Variants in ZC3H4 observed in about 807,000 individuals in gnomAD.
The protein encoded by ZC3H4 is zinc finger CCCH domain-containing protein 4.
ZC3H4 carries 13 observed loss-of-function variants against 108.3 expected under a neutral mutation model. That is an observed-to-expected ratio of 0.12 (90% CI 0.08 to 0.19). ZC3H4 has a LOEUF of 0.19. ZC3H4 is among the 10% of genes least tolerant of loss of function. The pLI, the probability that ZC3H4 is intolerant of heterozygous loss-of-function variation, is 1.00. For synonymous variants in ZC3H4, 917 were observed against 749.6 expected (o/e 1.22, Z -3.65); for missense variants, 1,734 against 1,838.8 (o/e 0.94, Z 1.04).
At chr19:47,083,321 A>AG in intron 9 of ZC3H4, among the ~76,000 whole-genome samples, 1 of 150,130 alleles carries the variant, frequency 6.7e-6, no homozygotes, top group African/African-American at 2.4e-5. Context: ...AAAAAAAAAA[A>AG]AAGAGAGAGA....
At chr19:47,069,386 C>G in intron 13 of ZC3H4, 43 bp from the exon 14 acceptor site, 1 of 1,590,546 alleles carries the variant, frequency 6.3e-7, no homozygotes, top group Non-Finnish European at 8.5e-7. Flanking sequence ...GGAAGGGCCT[C>G]CAGGTGCCAA....
At chr19:47,108,323 A>AG (rs2057993096) in intron 2 of ZC3H4, among the ~76,000 whole-genome samples, 1 of 152,118 alleles carries the variant, frequency 6.6e-6, no homozygotes, top group Non-Finnish European at 1.5e-5. Context: ...GTTTGACTTG[A>AG]TAGCTATCCA....
chr19:47,084,591 A>G, intron 8 of ZC3H4, 136 bp from the exon 9 acceptor site: 2 of 812,946 alleles, frequency 2.5e-6, no homozygotes, highest in Non-Finnish European at 4.0e-6. Flanking sequence ...GGCAGGCTGC[A>G]TCTAACACGG....
At chr19:47,068,425 G>T (rs891363163) in intron 14 of ZC3H4, among the ~76,000 whole-genome samples, 1 of 152,222 alleles carries the variant, frequency 6.6e-6, no homozygotes, top group Admixed American at 6.5e-5. Context: ...TCCCAGGGAG[G>T]GGCTGGTGTG....
At chr19:47,073,584 C>T (rs764956943) in intron 11 of ZC3H4, among the ~76,000 whole-genome samples, 2 of 152,112 alleles carry the variant, frequency 1.3e-5, no homozygotes, top group Non-Finnish European at 2.9e-5. Context: ...AAAACAAAAA[C>T]AAAACAAAGT....
chr19:47,112,199 G>A (rs1220394727), intron 2 of ZC3H4: 7 of 1,211,424 alleles, frequency 5.8e-6, no homozygotes, highest in Non-Finnish European at 7.2e-6. Flanking sequence ...GAGGGAGAGC[G>A]GGCGAGCGCC....
At chr19:47,103,209 A>G in intron 2 of ZC3H4, among the ~76,000 whole-genome samples, 1 of 152,210 alleles carries the variant, frequency 6.6e-6, no homozygotes, top group African/African-American at 2.4e-5. Context: ...AGCTGCAAAG[A>G]TCATGGTTTT....
At chr19:47,096,163 C>A (rs78929922) in intron 2 of ZC3H4, among the ~76,000 whole-genome samples, 2,265 of 152,302 alleles carry the variant, frequency 0.015, 44 homozygotes, top group African/African-American at 0.043. Flanking sequence ...GGGATGGGTT[C>A]TATTTCAAAC....
intron 2 of ZC3H4, among the ~76,000 whole-genome samples, chr19:47,108,184 G>A (rs551119116): frequency 2.0e-5 from 3 of 152,102 alleles, no homozygotes; most frequent in African/African-American, 4.8e-5. Flanking sequence ...CAGGTTAAGC[G>A]CCTGGCTCAA....
At chr19:47,090,308 G>T in intron 4 of ZC3H4, 119 bp from the exon 5 acceptor site, 2 of 1,109,042 alleles carry the variant, frequency 1.8e-6, no homozygotes, top group Admixed American at 2.3e-5. Flanking sequence ...TACTGTCCCA[G>T]GGTTGCACTG....
intron 13 of ZC3H4, 63 bp from the exon 14 acceptor site, chr19:47,069,406 C>A: frequency 6.4e-7 from 1 of 1,554,644 alleles, no homozygotes; most frequent in South Asian, 1.2e-5. Flanking sequence ...ACTCCAGCCC[C>A]CCTGCCCCTC....
At chr19:47,074,771 C>T (rs781504264) in intron 11 of ZC3H4, among the ~76,000 whole-genome samples, 1 of 152,234 alleles carries the variant, frequency 6.6e-6, no homozygotes, top group South Asian at 2.1e-4. Context: ...CAGCATGCCA[C>T]TCGTGCTGTC....
intron 2 of ZC3H4, chr19:47,096,900 C>T (rs916702169): frequency 3.1e-5 from 31 of 985,278 alleles, no homozygotes; most frequent in South Asian, 4.7e-5. Flanking sequence ...AGCCTCAGCA[C>T]GCCCTCCCTT....
rs1470366373 is a variant in ZC3H4, at chr19:47,072,927, T to A, written c.1441-214A>T. 6.6e-6 allele frequency among the ~76,000 whole-genome samples: 1 copy of A among 152,150 alleles called. No individual in the cohort carries two copies. The highest frequency in any genetic ancestry group is 1.5e-5 in the Non-Finnish European group (1 of 68,020). On this transcript the variant is annotated intron_variant, in intron 11 of 14. Coordinates refer to ENST00000253048, the MANE Select transcript of ZC3H4 (RefSeq NM_015168.2). This position sits in a 1 kb window ranked among gnomAD's most constrained non-coding sequence, Gnocchi z 5.6. ...GACCAGCTGGTAGAGGGGGGGCCAT[T>A]CCTGCTCTATGGCAAAATACACATA...
chr19:47,089,878 C>G, intron 5 of ZC3H4, 89 bp downstream of exon 5: 2 of 1,407,084 alleles, frequency 1.4e-6, no homozygotes, highest in South Asian at 2.5e-5. Context: ...CCTAAGTGAC[C>G]AAACTTGAGG....
intron 4 of ZC3H4, among the ~76,000 whole-genome samples, chr19:47,091,909 T>C (rs896057018): frequency 2.0e-5 from 3 of 150,854 alleles, no homozygotes; most frequent in Admixed American, 6.6e-5. Context: ...AATGAATGAA[T>C]GAACGCATAA....
rs1389102310 is a variant in ZC3H4, at chr19:47,064,905, G to C, written c.*1451C>G. On this transcript the variant is annotated 3_prime_UTR_variant, in exon 15 of 15. Transcript: ENST00000253048. The stretch of plus-strand genomic sequence containing the variant: ...CTTGTTCACCCCACCCTGAGGAGGA[G>C]GGAAGGGGAATCCCTTGGCAGGTAA... The C allele has an allele frequency of 6.6e-6, 1 of 152,126 alleles. No homozygotes were observed. The highest frequency in any genetic ancestry group is 2.4e-5 in the African/African-American group (1 of 41,408). 9.4% of individuals were successfully genotyped at this position (152,126 alleles called of 1,614,324 possible). A position where few individuals can be genotyped will look rare whatever the true frequency, so the allele number is the denominator to read the frequency against.
chr19:47,089,711 C>A (rs1048769950), intron 5 of ZC3H4, among the ~76,000 whole-genome samples: 3 of 152,034 alleles, frequency 2.0e-5, no homozygotes, highest in South Asian at 2.1e-4. Flanking sequence ...CTTCTCCCCC[C>A]ACAGCTGACC....
intron 2 of ZC3H4, among the ~76,000 whole-genome samples, chr19:47,101,895 A>C (rs1231945742): frequency 1.3e-5 from 2 of 150,862 alleles, no homozygotes; most frequent in Non-Finnish European, 1.5e-5. Context: ...TTAGCCGGGC[A>C]TGGTGGCACA....
Sources: allele counts gnomAD v4.1 joint callset (sites outside exome capture counted in the v4.1 genomes callset), GRCh38; gene constraint gnomAD v4.1.1; non-coding constraint Gnocchi (gnomAD v3.1); transcripts MANE v1.5; gene names NCBI Gene and HGNC (gene_info 2026-07-23, HGNC 2026-07-21).